PSAT1: variants seen among roughly 807,000 people sequenced by gnomAD.
PSAT1 encodes the protein phosphoserine aminotransferase 1.
PSAT1 carries 41 observed loss-of-function variants against 40.3 expected under a neutral mutation model. The ratio of observed to expected loss-of-function variants is 1.02; its 90% CI spans 0.79 to 1.32. The LOEUF (loss-of-function observed/expected upper bound fraction) is 1.32, where lower values mean the gene tolerates loss of function less well. Among genes scored for constraint, PSAT1 ranks in the 40% most tolerant of loss-of-function variants. PSAT1 has a pLI of 0.00. For missense variants in PSAT1, 406 were observed against 455.8 expected (o/e 0.89, Z 0.99); for synonymous variants, 147 against 170.5 (o/e 0.86, Z 1.07).
intron 7 of PSAT1, among the ~76,000 whole-genome samples, chr9:78,319,009 T>C (rs1828390206): frequency 6.6e-6 from 1 of 152,164 alleles, no homozygotes; most frequent in African/African-American, 2.4e-5. Context: ...TATGTGCGCC[T>C]ACACATATAC....
intron 5 of PSAT1, 94 bp downstream of exon 5, chr9:78,306,580 T>C: frequency 2.0e-6 from 3 of 1,504,924 alleles, no homozygotes; most frequent in African/African-American, 1.4e-5. Context: ...CCATGGGTGT[T>C]TGAGGCCTGC....
rs1007957619 is a variant in PSAT1 at position 78,329,872 on chromosome 9, T to C, written c.*786T>C. ...TTCTTGATTCATTTTTACCATTCTT[T>C]CCATAGGTAGAAGAGAAAGTTGATT... On this transcript the variant is annotated 3_prime_UTR_variant, in exon 9 of 9. Transcript: ENST00000376588. The C allele has an allele frequency of 1.3e-5, 2 of 152,312 alleles. No homozygotes were observed. Among genetic ancestry groups the C allele is most frequent in the Admixed American group, 6.5e-5 (1 of 15,304 alleles). 9.4% of individuals were successfully genotyped at this position (152,312 alleles called of 1,614,324 possible).
At chr9:78,325,984 A>G (rs1434327839) in intron 7 of PSAT1, among the ~76,000 whole-genome samples, 1 of 152,144 alleles carries the variant, frequency 6.6e-6, no homozygotes, top group Non-Finnish European at 1.5e-5. Context: ...GGAGCCTCAC[A>G]TTGGGAGCCT....
At position 78,308,546 on chromosome 9, in the gene PSAT1, G is replaced by A; in HGVS notation, c.703G>A (p.Gly235Arg). 1 of 1,614,042 alleles carries A rather than the reference G, an allele frequency of 6.2e-7. No individual in the cohort carries two copies. Among genetic ancestry groups the A allele is most frequent in the South Asian group, 1.1e-5 (1 of 91,056 alleles). Residue 235 changes from glycine to arginine, a missense_variant, in exon 6 of 9, where the codon GGA becomes AGA. By Grantham distance (125) the Gly-to-Arg change is moderately radical. Transcript: ENST00000376588. ...PSVLEYKVQA[G>R]NSSLYNTPPC... ...GGTCCTGGAATACAAGGTGCAGGCT[G>A]GAAACAGCTCCTTGTACAACACGCC...
chr9:78,319,933 C>G (rs1181849601), intron 7 of PSAT1, among the ~76,000 whole-genome samples: 4 of 152,050 alleles, frequency 2.6e-5, no homozygotes, highest in Non-Finnish European at 4.4e-5. Flanking sequence ...TTCATTCATT[C>G]ATCTACTCAC....
chr9:78,326,941 A>G (rs1268016188), intron 7 of PSAT1, among the ~76,000 whole-genome samples: 4 of 91,834 alleles, frequency 4.4e-5, no homozygotes, highest in Non-Finnish European at 7.6e-5. Flanking sequence ...AGCAATATAT[A>G]TATATATATA....
At chr9:78,307,517 C>T (rs78867718) in intron 5 of PSAT1, among the ~76,000 whole-genome samples, 6,185 of 152,282 alleles carry the variant, frequency 0.041, 169 homozygotes, top group Non-Finnish European at 0.057. Context: ...AAATTACTTT[C>T]CCCCACCCCC....
chr9:78,304,347 A>G (rs1828149486), intron 3 of PSAT1, among the ~76,000 whole-genome samples: 1 of 152,148 alleles, frequency 6.6e-6, no homozygotes, highest in Admixed American at 6.5e-5. Context: ...TAGAAGTTTG[A>G]GTAAAGGTCT....
chr9:78,300,386 A>G lies in PSAT1; in HGVS notation c.61-216A>G, dbSNP rs139800520. Among the ~76,000 whole-genome samples the G allele has an allele frequency of 6.0e-3, 920 of 152,278 alleles. 11 individuals are homozygous for G. The highest frequency in any genetic ancestry group is 0.02 in the African/African-American group (835 of 41,554). On this transcript the variant is annotated intron_variant, in intron 1 of 8. Transcript: ENST00000376588. ...CCTTTGGAAAAAGTGTATCAACATC[A>G]GTCACATTGCCTAATTTCATGCTTA... is the stretch of plus-strand genomic sequence containing the variant.
At chr9:78,323,693 T>C (rs1270362542) in intron 7 of PSAT1, among the ~76,000 whole-genome samples, 2 of 152,180 alleles carry the variant, frequency 1.3e-5, no homozygotes, top group African/African-American at 2.4e-5. Context: ...ATATCTAAAA[T>C]GATCTTCAGG....
Position 78,302,733 on chromosome 9 carries a change from CAAAAAAAAAAAAA to C in PSAT1, c.191+726_191+738del, listed in dbSNP as rs373285782. On this transcript the variant is annotated intron_variant, in intron 3 of 8. Coordinates refer to ENST00000376588, the MANE Select transcript of PSAT1 (RefSeq NM_058179.4). ...TAGGTGACAAAGCGAGACTCCGTCT[CAAAAAAAAAAAAA>C]AAAAAAAAAAAAAAATCAAGTGGTG... is the stretch of plus-strand genomic sequence containing the variant. 8.6e-5 allele frequency among the ~76,000 whole-genome samples: 9 copies of C among 104,220 alleles called. No homozygotes were observed. In the South Asian group the frequency reaches 2.5e-3, roughly 29 times the overall value. The allele number at this position is 104,220 out of a possible 152,430, so 68.4% of individuals were successfully genotyped here. A position where few individuals can be genotyped will look rare whatever the true frequency, so the allele number is the denominator to read the frequency against.
chr9:78,320,423 C>T (rs887501206), intron 7 of PSAT1, among the ~76,000 whole-genome samples: 2 of 148,670 alleles, frequency 1.3e-5, no homozygotes, highest in South Asian at 2.2e-4. Flanking sequence ...CATCTACCTA[C>T]ACACCCACCC....
intron 1 of PSAT1, 136 bp from the exon 2 acceptor site, chr9:78,300,466 C>A: frequency 9.0e-7 from 1 of 1,105,382 alleles, no homozygotes; most frequent in Non-Finnish European, 1.2e-6. Flanking sequence ...AGGAAGGAGA[C>A]TGGCTGTGGG....
chr9:78,297,394 G>C, intron 1 of PSAT1, 124 bp downstream of exon 1: 1 of 1,134,508 alleles, frequency 8.8e-7, no homozygotes, highest in Non-Finnish European at 1.3e-6. Context: ...TAGGCGCTTT[G>C]CATCAGCGTG....
intron 7 of PSAT1, among the ~76,000 whole-genome samples, chr9:78,326,955 A>ATATATT: frequency 4.0e-5 from 3 of 75,930 alleles, no homozygotes; most frequent in East Asian, 4.2e-4. Flanking sequence ...ATATATATAT[A>ATATATT]TTTTTTTTTT....
At chr9:78,320,732 A>T (rs983098780) in intron 7 of PSAT1, among the ~76,000 whole-genome samples, 24 of 146,380 alleles carry the variant, frequency 1.6e-4, no homozygotes, top group African/African-American at 5.4e-4. Context: ...TGCTCTGTAC[A>T]CTAGCCTTGT....
At chr9:78,324,390 A>G (rs903858164) in intron 7 of PSAT1, among the ~76,000 whole-genome samples, 2 of 151,738 alleles carry the variant, frequency 1.3e-5, no homozygotes, top group Admixed American at 1.3e-4. Context: ...TCCCACTTGG[A>G]CTTTCTCCTT....
At position 78,300,601 on chromosome 9, in the gene PSAT1, G is replaced by C; in HGVS notation, c.61-1G>C. Reference sequence around the variant, plus strand: ...CCCTATTTTCCTTTATTTTTTTCTAGGTGTTGTTAGAGATACAAAAGGAAT... The same window carrying C: ...CCCTATTTTCCTTTATTTTTTTCTACGTGTTGTTAGAGATACAAAAGGAAT... On this transcript the variant is annotated splice_acceptor_variant, in intron 1 of 8. Transcript: ENST00000376588. LOFTEE classifies it high-confidence loss of function. The C allele has an allele frequency of 6.2e-7, 1 of 1,607,294 alleles. No individual in the cohort carries two copies. Among genetic ancestry groups the C allele is most frequent in the Non-Finnish European group, 8.5e-7 (1 of 1,177,266 alleles).
At chr9:78,325,638 T>C (rs7470974) in intron 7 of PSAT1, among the ~76,000 whole-genome samples, 16,920 of 152,294 alleles carry the variant, frequency 0.11, 943 homozygotes, top group Middle Eastern at 0.15. Flanking sequence ...TTGCAGCCCT[T>C]GGCTGTTACA....
Sources: gnomAD v4.1 joint callset for allele counts (sites outside exome capture counted in the v4.1 genomes callset) on GRCh38, gnomAD v4.1.1 for gene constraint, MANE v1.5 for transcripts, NCBI Gene and HGNC (gene_info 2026-07-23, HGNC 2026-07-21) for gene names.